The following LSAMP variants were observed in gnomAD, a reference collection of about 807,000 sequenced individuals.
LSAMP encodes the protein limbic system-associated membrane protein.
A neutral mutation model predicts 38.6 loss-of-function variants in LSAMP; 7 were observed. The observed-to-expected ratio is 0.18, with a 90% CI of 0.10 to 0.34. LSAMP has a LOEUF of 0.34. Ranked by LOEUF, LSAMP falls within the 10% of genes least tolerant of loss-of-function variation. The pLI is 1.00. For missense variants in LSAMP, 313 were observed against 420.0 expected (o/e 0.75, Z 2.23); for synonymous variants, 154 against 166.8 (o/e 0.92, Z 0.59).
intron 1 of LSAMP, among the ~76,000 whole-genome samples, chr3:116,199,220 G>A (rs1296444517): frequency 6.6e-6 from 1 of 151,894 alleles, no homozygotes; most frequent in Non-Finnish European, 1.5e-5. Context: ...GCGGGAAGAA[G>A]ACTGAGTAGG....
At chr3:116,249,290 T>A (rs750019959) in intron 1 of LSAMP, among the ~76,000 whole-genome samples, 10 of 152,132 alleles carry the variant, frequency 6.6e-5, no homozygotes, top group Non-Finnish European at 1.3e-4. Context: ...TTATCTGATA[T>A]TTTTTTCCAC....
chr3:116,285,101 G>C (rs926615399), intron 1 of LSAMP, among the ~76,000 whole-genome samples: 2 of 152,124 alleles, frequency 1.3e-5, no homozygotes, highest in African/African-American at 4.8e-5. Context: ...TGATCACTAC[G>C]ACTGGTTTGA....
At chr3:116,006,273 A>G (rs1940157509) in intron 3 of LSAMP, among the ~76,000 whole-genome samples, 3 of 152,104 alleles carry the variant, frequency 2.0e-5, no homozygotes, top group Non-Finnish European at 2.9e-5. Flanking sequence ...CTCCACACAC[A>G]CGCAGAAGTC....
rs563947528 is a variant in LSAMP, at chr3:116,222,095, G to A, written c.156-135539C>T. Among the ~76,000 whole-genome samples, 13 of 151,984 alleles carry A rather than the reference G, an allele frequency of 8.6e-5. No homozygotes were observed. The East Asian group carries it at 2.3e-3, about 27-fold the overall frequency. ...TTCTAGGAGTAAGATCCCTAAAGAT[G>A]GGTTTATACAAGCCTACTGATCCGG... On this transcript the variant is annotated intron_variant, in intron 1 of 6. Transcript: ENST00000490035.
At chr3:116,058,131 G>T (rs893560749) in intron 2 of LSAMP, among the ~76,000 whole-genome samples, 4 of 152,114 alleles carry the variant, frequency 2.6e-5, no homozygotes, top group East Asian at 1.9e-4. Flanking sequence ...AGGAGTGAAG[G>T]CAGCTTTATT....
intron 1 of LSAMP, among the ~76,000 whole-genome samples, chr3:116,177,907 A>G (rs1204517005): frequency 6.6e-6 from 1 of 152,212 alleles, no homozygotes; most frequent in South Asian, 2.1e-4. Flanking sequence ...CTTCTATAAA[A>G]CAGCTGCTAG....
intron 1 of LSAMP, among the ~76,000 whole-genome samples, chr3:116,349,010 G>A (rs574784573): frequency 2.0e-5 from 3 of 152,096 alleles, no homozygotes; most frequent in South Asian, 4.2e-4. Flanking sequence ...TTAGCTTCTC[G>A]GCAGACCTGT....
chr3:116,369,375 C>A (rs2048400360), intron 1 of LSAMP, among the ~76,000 whole-genome samples: 1 of 152,140 alleles, frequency 6.6e-6, no homozygotes, highest in Non-Finnish European at 1.5e-5. Flanking sequence ...TAGAAGTATT[C>A]CTTCCAAGGA....
In LSAMP at chr3:116,106,717, C is replaced by T. The variant is rs530456109; in HGVS notation, c.156-20161G>A. ...TCTGACAGAAGGGAATAAATGACTG[C>T]GGTGGCCTTCTCAGACCGTGTAGGA... On this transcript the variant is annotated intron_variant, in intron 1 of 6. Transcript: ENST00000490035. Among the ~76,000 whole-genome samples the T allele has an allele frequency of 1.2e-4, 18 of 152,170 alleles. No individual in the cohort carries two copies. In the East Asian group the frequency reaches 1.9e-3, roughly 16 times the overall value.
At chr3:116,352,039 G>A (rs1415807103) in intron 1 of LSAMP, among the ~76,000 whole-genome samples, 2 of 151,998 alleles carry the variant, frequency 1.3e-5, no homozygotes, top group Non-Finnish European at 2.9e-5. Flanking sequence ...TTCTTCATCA[G>A]CTCCACAGTT....
At chr3:116,231,099 T>C (rs1017986272) in intron 1 of LSAMP, among the ~76,000 whole-genome samples, 4 of 152,184 alleles carry the variant, frequency 2.6e-5, no homozygotes, top group Non-Finnish European at 4.4e-5. Context: ...ACCACAAACA[T>C]GAACGCCCAT....
At chr3:115,930,468 T>C (rs1278753126) in intron 3 of LSAMP, among the ~76,000 whole-genome samples, 1 of 152,140 alleles carries the variant, frequency 6.6e-6, no homozygotes, top group Non-Finnish European at 1.5e-5. Context: ...AGAATAAGTT[T>C]TCTTAGCTAG....
chr3:116,179,118 C>G (rs908445125), intron 1 of LSAMP, among the ~76,000 whole-genome samples: 2 of 152,060 alleles, frequency 1.3e-5, no homozygotes, highest in South Asian at 2.1e-4. Flanking sequence ...TTAAATTTCT[C>G]AAGAATATAA....
chr3:116,366,078 AC>A (rs150761578), intron 1 of LSAMP, among the ~76,000 whole-genome samples: 3,534 of 150,542 alleles, frequency 0.023, 152 homozygotes, highest in African/African-American at 0.082. Context: ...ATCAGAATGA[AC>A]AAATAACCTA....
chr3:116,132,171 C>T (rs1177290269), intron 1 of LSAMP, among the ~76,000 whole-genome samples: 1 of 151,612 alleles, frequency 6.6e-6, no homozygotes, highest in Non-Finnish European at 1.5e-5. Flanking sequence ...TGAACAATTG[C>T]TGCTATACAC....
chr3:116,082,131 AAC>A (rs1356764428), intron 2 of LSAMP, among the ~76,000 whole-genome samples: 2 of 152,216 alleles, frequency 1.3e-5, no homozygotes, highest in Non-Finnish European at 2.9e-5. Context: ...TTTTTAATGT[AAC>A]ATTTAAAACA....
At chr3:116,102,289 T>C (rs1708365475) in intron 1 of LSAMP, among the ~76,000 whole-genome samples, 1 of 152,246 alleles carries the variant, frequency 6.6e-6, no homozygotes, top group Admixed American at 6.5e-5. Flanking sequence ...CCATCCTATA[T>C]TTATTTTCTT....
intron 2 of LSAMP, among the ~76,000 whole-genome samples, chr3:116,029,782 C>T (rs547375472): frequency 6.6e-5 from 10 of 152,124 alleles, no homozygotes; most frequent in South Asian, 2.1e-4. Flanking sequence ...TGTAGTCCTC[C>T]GAGATGTAGC....
chr3:116,169,174 A>C (rs1337652380), intron 1 of LSAMP, among the ~76,000 whole-genome samples: 1 of 152,204 alleles, frequency 6.6e-6, no homozygotes, highest in Non-Finnish European at 1.5e-5. Context: ...ACTCCATTCC[A>C]GCCTGAGTGA....
Sources: gnomAD v4.1 joint callset for allele counts (sites outside exome capture counted in the v4.1 genomes callset) on GRCh38, gnomAD v4.1.1 for gene constraint, MANE v1.5 for transcripts, NCBI Gene and HGNC (gene_info 2026-07-23, HGNC 2026-07-21) for gene names.